The following DENND1B variants were observed in gnomAD, a reference collection of about 807,000 sequenced individuals.
DENND1B encodes DENN domain-containing protein 1B.
DENND1B carries 59 observed loss-of-function variants against 90.1 expected under a neutral mutation model. The observed-to-expected ratio is 0.65, with a 90% CI of 0.53 to 0.81. The LOEUF is 0.81. Among genes scored for constraint, DENND1B ranks in the 40% least tolerant of loss-of-function variants. The pLI is 0.00. For synonymous variants in DENND1B, 337 were observed against 324.6 expected (o/e 1.04, Z -0.41); for missense variants, 862 against 912.6 (o/e 0.94, Z 0.71).
chr1:197,608,255 G>T (rs569424700), intron 12 of DENND1B, among the ~76,000 whole-genome samples: 1 of 150,650 alleles, frequency 6.6e-6, no homozygotes, highest in Non-Finnish European at 1.5e-5. Flanking sequence ...ACTTTCTAAA[G>T]CAATGGTAGT....
chr1:197,612,085 C>A, intron 11 of DENND1B, 109 bp from the exon 12 acceptor site: 1 of 803,850 alleles, frequency 1.2e-6, no homozygotes, highest in Non-Finnish European at 2.0e-6. Context: ...ATGCTCAGTT[C>A]CAGCATAACA....
intron 2 of DENND1B, among the ~76,000 whole-genome samples, chr1:197,770,854 A>T (rs1324827418): frequency 7.2e-6 from 1 of 139,194 alleles, no homozygotes; most frequent in East Asian, 2.0e-4. Context: ...ATAAATATAT[A>T]TCTATAAATA....
At chr1:197,560,423 T>C (rs921356338) in intron 15 of DENND1B, among the ~76,000 whole-genome samples, 8 of 151,766 alleles carry the variant, frequency 5.3e-5, no homozygotes, top group East Asian at 1.9e-4. Context: ...GAGAAAGTGA[T>C]GAGTGTTAGA....
chr1:197,540,158 T>C, intron 19 of DENND1B, 87 bp from the exon 20 acceptor site: 2 of 775,308 alleles, frequency 2.6e-6, no homozygotes, highest in Non-Finnish European at 3.9e-6. Context: ...GTATCTGATA[T>C]ACATACAAGT....
rs1667820989 is a variant in DENND1B at position 197,508,304 on chromosome 1, CTTCT to C, written c.*2152_*2155del. ...TTAACAACCAGAGTAACCTTTTTTC[CTTCT>C]GATTTAAAACAGCTCTTTTGCTATA... On this transcript the variant is annotated 3_prime_UTR_variant, in exon 23 of 23. Transcript: ENST00000620048. 6.6e-6 allele frequency: 1 copy of C among 151,492 alleles called. No homozygotes were observed. The highest frequency in any genetic ancestry group is 2.4e-5 in the African/African-American group (1 of 41,308). The allele number at this position is 151,492 out of a possible 1,614,324, so 9.4% of individuals were successfully genotyped here.
At chr1:197,777,311 C>A (rs967187902), upstream of DENND1B, among the ~76,000 whole-genome samples, 1 of 152,046 alleles carries the variant, frequency 6.6e-6, no homozygotes, top group Non-Finnish European at 1.5e-5. Context: ...ACAGTCATAC[C>A]CTTGAACAGT....
intron 2 of DENND1B, among the ~76,000 whole-genome samples, chr1:197,761,185 AATTTTAAAGACATTAT>A: frequency 6.6e-6 from 1 of 152,198 alleles, no homozygotes; most frequent in Non-Finnish European, 1.5e-5. Context: ...AGAACAAAAA[AATTTTAAAGACATTAT>A]TTTCTAAAAA....
rs946825347 is a variant in DENND1B at position 197,611,402 on chromosome 1, GA to G, written c.819+528del. 9.3e-5 allele frequency among the ~76,000 whole-genome samples: 14 copies of G among 150,450 alleles called. 1 individual carries two copies. The East Asian group carries it at 2.4e-3, about 25-fold the overall frequency. On this transcript the variant is annotated intron_variant, in intron 12 of 22. Coordinates refer to ENST00000620048, the MANE Select transcript of DENND1B (RefSeq NM_001195215.2). Reference sequence around the variant, plus strand: ...ATTTTAAAATGATGTGGTAATTGTGGAAAAAAATTACTAAATTTTATATTCC... The same window carrying G: ...ATTTTAAAATGATGTGGTAATTGTGGAAAAAATTACTAAATTTTATATTCC...
At chr1:197,636,134 A>C (rs1321988850) in intron 10 of DENND1B, among the ~76,000 whole-genome samples, 1 of 152,152 alleles carries the variant, frequency 6.6e-6, no homozygotes, top group Non-Finnish European at 1.5e-5. Context: ...ATGAGTAACC[A>C]ATAGATTTTT....
chr1:197,746,728 G>A, intron 2 of DENND1B: 1 of 1,015,642 alleles, frequency 9.8e-7, no homozygotes, highest in Non-Finnish European at 1.6e-6. Flanking sequence ...GTCCACAAAT[G>A]TCTTGAAGCA....
chr1:197,664,010 TACAC>T (rs10638441), intron 5 of DENND1B, among the ~76,000 whole-genome samples: 6 of 149,460 alleles, frequency 4.0e-5, no homozygotes, highest in Admixed American at 6.7e-5. Context: ...AACACACACA[TACAC>T]ACACACACAC....
chr1:197,690,909 C>A, intron 3 of DENND1B, among the ~76,000 whole-genome samples: 1 of 151,236 alleles, frequency 6.6e-6, no homozygotes. Flanking sequence ...ACTTTGAAAC[C>A]CATTAAAATA....
rs1558232628 is a variant in DENND1B, at chr1:197,553,130, C to T, written c.1150-18G>A. 6.7e-7 allele frequency: 1 copy of T among 1,503,388 alleles called. No individual in the cohort carries two copies. Among genetic ancestry groups the T allele is most frequent in the Non-Finnish European group, 8.9e-7 (1 of 1,124,866 alleles). 93.1% of individuals were successfully genotyped at this position (1,503,388 alleles called of 1,614,324 possible). On this transcript the variant is annotated intron_variant, in intron 15 of 22. Transcript: ENST00000620048. ...TCGATAAACTAGAATTAAAAAGTGT[C>T]AAATAAAATGTATCAAATAAAATGT...
intron 15 of DENND1B, among the ~76,000 whole-genome samples, chr1:197,580,898 C>T (rs552959101): frequency 1.0e-3 from 158 of 152,208 alleles, no homozygotes; most frequent in African/African-American, 3.4e-3. Flanking sequence ...TTAAATATTA[C>T]GTTTTAAATT....
At chr1:197,514,151 T>C (rs1433906483) in intron 20 of DENND1B, among the ~76,000 whole-genome samples, 1 of 151,692 alleles carries the variant, frequency 6.6e-6, no homozygotes, top group East Asian at 1.9e-4. Context: ...AATCCACTAT[T>C]TCATTAGGGG....
chr1:197,674,839 T>C (rs1655895596), intron 3 of DENND1B, among the ~76,000 whole-genome samples: 1 of 152,110 alleles, frequency 6.6e-6, no homozygotes, highest in East Asian at 1.9e-4. Context: ...TTGCCTAATA[T>C]GAAAATCAAT....
At chr1:197,612,089 C>A in intron 11 of DENND1B, 113 bp from the exon 12 acceptor site, 2 of 750,592 alleles carry the variant, frequency 2.7e-6, no homozygotes, top group South Asian at 2.2e-5. Context: ...TCAGTTCCAG[C>A]ATAACACATT....
chr1:197,578,988 C>T (rs1392763582), intron 15 of DENND1B, among the ~76,000 whole-genome samples: 1 of 152,146 alleles, frequency 6.6e-6, no homozygotes, highest in African/African-American at 2.4e-5. Context: ...GGTTAGACCT[C>T]TTTTAAAGGC....
chr1:197,696,450 T>C (rs1433046954), intron 3 of DENND1B, among the ~76,000 whole-genome samples: 1 of 151,516 alleles, frequency 6.6e-6, no homozygotes, highest in African/African-American at 2.4e-5. Context: ...TACTGAAATT[T>C]AATTTCACCT....
Sources: allele counts gnomAD v4.1 joint callset (sites outside exome capture counted in the v4.1 genomes callset), GRCh38; gene constraint gnomAD v4.1.1; transcripts MANE v1.5; gene names NCBI Gene and HGNC (gene_info 2026-07-23, HGNC 2026-07-21).